EDA: variants seen among roughly 807,000 people sequenced by gnomAD.
EDA encodes the protein ectodysplasin A.
In EDA, 2 loss-of-function variants were observed where a neutral mutation model predicts 23.6. That is an observed-to-expected ratio of 0.08 (90% CI 0.03 to 0.27). The LOEUF (loss-of-function observed/expected upper bound fraction) is 0.27. Ranked by LOEUF, EDA falls within the 10% of genes least tolerant of loss-of-function variation. EDA has a pLI of 1.00. For missense variants in EDA, 229 were observed against 324.2 expected (o/e 0.71, Z 2.26); for synonymous variants, 131 against 132.0 (o/e 0.99, Z 0.05).
At chrX:69,922,052 G>A (rs984254803) in intron 1 of EDA, among the ~76,000 whole-genome samples, 14 of 111,762 alleles carry the variant, frequency 1.3e-4, no homozygotes, top group Non-Finnish European at 5.6e-5. Flanking sequence ...ATAGGATAGT[G>A]AAGTGTATAG....
chrX:70,011,238 C>A (rs930157943), intron 2 of EDA, among the ~76,000 whole-genome samples: 2 of 111,547 alleles, frequency 1.8e-5, no homozygotes, highest in African/African-American at 6.5e-5. Flanking sequence ...TATACTACTT[C>A]TCCCAATCCT....
chrX:69,619,080 A>G (rs1469679520), intron 1 of EDA, among the ~76,000 whole-genome samples: 1 of 112,426 alleles, frequency 8.9e-6, no homozygotes, highest in Non-Finnish European at 1.9e-5. Flanking sequence ...ATTCTGATTC[A>G]GTAAATAAGG....
intron 1 of EDA, among the ~76,000 whole-genome samples, chrX:69,722,872 G>T (rs750246598): frequency 2.1e-4 from 24 of 111,975 alleles, no homozygotes; most frequent in Non-Finnish European, 3.0e-4. Flanking sequence ...CAACTTTGTA[G>T]GGTTTTTATA....
At chrX:69,880,017 T>C (rs2017719821) in intron 1 of EDA, among the ~76,000 whole-genome samples, 1 of 112,566 alleles carries the variant, frequency 8.9e-6, no homozygotes, top group Non-Finnish European at 1.9e-5. Context: ...GTTATTTTAG[T>C]TTTTTTAAAA....
intron 1 of EDA, among the ~76,000 whole-genome samples, chrX:69,727,971 G>C (rs184426351): frequency 9.0e-6 from 1 of 111,305 alleles, no homozygotes; most frequent in African/African-American, 3.3e-5. Flanking sequence ...TAGGCTGGGC[G>C]TGGTGGCTCA....
In EDA at chrX:70,025,241, AAATTACATTAGC is replaced by A. The variant is rs757447225; in HGVS notation, c.526+2008_526+2019del. On this transcript the variant is annotated intron_variant, in intron 3 of 7. Transcript: ENST00000374552. The stretch of plus-strand genomic sequence containing the variant: ...GGAGTTTCTGGCTCTAATTCTTCCA[AAATTACATTAGC>A]AATTACAGGAGACTCACATTCTTGA... Among the ~76,000 whole-genome samples, 285 of 111,762 alleles carry A rather than the reference AAATTACATTAGC, an allele frequency of 2.6e-3. 2 individuals are homozygous for A. The highest frequency in any genetic ancestry group is 8.5e-3 in the African/African-American group (262 of 30,705).
chrX:69,822,790 G>A (rs1051039431), intron 1 of EDA, among the ~76,000 whole-genome samples: 1 of 107,729 alleles, frequency 9.3e-6, no homozygotes, highest in Non-Finnish European at 1.9e-5. Context: ...CTGGTGCGCT[G>A]CACCCACTAA....
intron 1 of EDA, among the ~76,000 whole-genome samples, chrX:69,833,780 T>G (rs1215016877): frequency 9.0e-6 from 1 of 111,508 alleles, no homozygotes; most frequent in Non-Finnish European, 1.9e-5. Context: ...GGGAAGGTTA[T>G]CTGTCCTGGA....
chrX:69,899,504 T>C (rs981949020), intron 1 of EDA, among the ~76,000 whole-genome samples: 5 of 109,762 alleles, frequency 4.6e-5, no homozygotes, highest in African/African-American at 1.3e-4. Flanking sequence ...GTCTGAGTAT[T>C]GGAAGTTGCA....
At chrX:69,740,050 A>G (rs1177929400) in intron 1 of EDA, among the ~76,000 whole-genome samples, 3 of 111,295 alleles carry the variant, frequency 2.7e-5, no homozygotes, top group African/African-American at 9.8e-5. Context: ...TTACTTCAGT[A>G]CAGCTTGTTC....
intron 1 of EDA, among the ~76,000 whole-genome samples, chrX:69,791,418 T>G (rs1241331884): frequency 9.0e-6 from 1 of 111,172 alleles, no homozygotes; most frequent in East Asian, 2.8e-4. Flanking sequence ...TAAAGTGACA[T>G]GTCTCAGGTA....
At chrX:69,929,147 A>T (rs2018562230) in intron 1 of EDA, among the ~76,000 whole-genome samples, 1 of 111,304 alleles carries the variant, frequency 9.0e-6, no homozygotes, top group South Asian at 3.8e-4. Context: ...GAGATCTCTG[A>T]TTACTATTTC....
chrX:69,880,023 T>TA, intron 1 of EDA, among the ~76,000 whole-genome samples: 1 of 112,555 alleles, frequency 8.9e-6, no homozygotes, highest in East Asian at 2.8e-4. Context: ...TTAGTTTTTT[T>TA]AAAAAACCAA....
At chrX:70,031,883 C>T (rs748439492) in intron 6 of EDA, among the ~76,000 whole-genome samples, 19 of 112,367 alleles carry the variant, frequency 1.7e-4, no homozygotes, top group African/African-American at 6.1e-4. Flanking sequence ...ATTTTGCTCC[C>T]ACTGCCACAT....
chrX:69,654,286 G>A (rs749481413), intron 1 of EDA, among the ~76,000 whole-genome samples: 221 of 111,620 alleles, frequency 2.0e-3, no homozygotes, highest in Non-Finnish European at 3.9e-3. Context: ...TCATTAAAAA[G>A]TCAGGAAACA....
chrX:69,786,835 C>T (rs996063732), intron 1 of EDA, among the ~76,000 whole-genome samples: 1 of 110,329 alleles, frequency 9.1e-6, no homozygotes, highest in Non-Finnish European at 1.9e-5. Flanking sequence ...AGTTCAATTC[C>T]TCGGTATCCT....
At chrX:69,795,748 G>C (rs755274949) in intron 1 of EDA, among the ~76,000 whole-genome samples, 41 of 112,655 alleles carry the variant, frequency 3.6e-4, no homozygotes, top group Non-Finnish European at 3.8e-5. Context: ...CCTCCCCAGT[G>C]GCAAAGCCAC....
At chrX:69,794,589 C>T (rs904912750) in intron 1 of EDA, among the ~76,000 whole-genome samples, 1 of 112,264 alleles carries the variant, frequency 8.9e-6, no homozygotes. Flanking sequence ...AAAGACTCCT[C>T]TAGCTACAAT....
In EDA at chrX:70,022,939, A is replaced by G. The variant is rs7054245; in HGVS notation, c.503-279A>G. 11,976 of 202,291 alleles carry G rather than the reference A, an allele frequency of 0.059. 1,278 individuals are homozygous for G. Among genetic ancestry groups the G allele is most frequent in the African/African-American group, 0.31 (10,696 of 34,100 alleles). 16.7% of individuals were successfully genotyped at this position (202,291 alleles called of 1,213,427 possible). A position where few individuals can be genotyped will look rare whatever the true frequency, so the allele number is the denominator to read the frequency against. On this transcript the variant is annotated intron_variant, in intron 2 of 7. Coordinates refer to ENST00000374552, the MANE Select transcript of EDA (RefSeq NM_001399.5). ...TGAGTTGTGCATTTCTGGGCATTTC[A>G]TCTCTATGGGGAAGTACCCATTCCC...
Sources: gnomAD v4.1 joint callset for allele counts (sites outside exome capture counted in the v4.1 genomes callset) on GRCh38, gnomAD v4.1.1 for gene constraint, MANE v1.5 for transcripts, NCBI Gene and HGNC (gene_info 2026-07-23, HGNC 2026-07-21) for gene names.